CDC42BPA: variants seen among roughly 807,000 people sequenced by gnomAD.
The protein encoded by CDC42BPA is serine/threonine-protein kinase MRCK alpha.
CDC42BPA carries 80 observed loss-of-function variants against 223.5 expected under a neutral mutation model. The ratio of observed to expected loss-of-function variants is 0.36; its 90% CI spans 0.30 to 0.43. CDC42BPA has a LOEUF of 0.43. CDC42BPA is among the 20% of genes least tolerant of loss of function. CDC42BPA has a pLI of 1.00. For synonymous variants in CDC42BPA, 694 were observed against 718.6 expected, an observed-to-expected ratio of 0.97 and a Z score of 0.55; for missense variants, 1,743 against 2,099.9, an observed-to-expected ratio of 0.83 and a Z score of 3.32.
intron 24 of CDC42BPA, among the ~76,000 whole-genome samples, chr1:227,036,722 G>A (rs12403195): frequency 0.15 from 23,486 of 152,128 alleles, 2,201 homozygotes; most frequent in African/African-American, 0.25. Context: ...GAGCCACCGC[G>A]CCCGGCCTTC....
chr1:227,136,136 G>A (rs1658524543), intron 10 of CDC42BPA, among the ~76,000 whole-genome samples: 1 of 151,930 alleles, frequency 6.6e-6, no homozygotes, highest in South Asian at 2.1e-4. Context: ...ATATTAAAAT[G>A]TTAAAGAAAA....
intron 3 of CDC42BPA, among the ~76,000 whole-genome samples, chr1:227,202,333 C>G (rs1237452517): frequency 6.6e-6 from 1 of 152,100 alleles, no homozygotes; most frequent in Non-Finnish European, 1.5e-5. Context: ...TACTTACTAC[C>G]AAGTCCTGTT....
At chr1:227,275,837 C>T (rs12759688) in intron 1 of CDC42BPA, among the ~76,000 whole-genome samples, 4 of 152,240 alleles carry the variant, frequency 2.6e-5, no homozygotes, top group African/African-American at 4.8e-5. Context: ...CTCCTAACCG[C>T]GAGTGATCTG....
chr1:227,212,606 T>C lies in CDC42BPA; in HGVS notation c.354+530A>G, dbSNP rs893831691. Among the ~76,000 whole-genome samples the C allele has an allele frequency of 2.6e-5, 4 of 152,094 alleles. No homozygotes were observed. The East Asian group carries it at 5.8e-4, about 22-fold the overall frequency. On this transcript the variant is annotated intron_variant, in intron 3 of 36. Transcript: ENST00000366766. ...TACCAGCTGCTGGATATTTTTAACA[T>C]CACTCCAGTCAATCCTTCCCTCAAA... is the stretch of plus-strand genomic sequence containing the variant.
At chr1:227,120,129 G>A (rs1182299884) in intron 11 of CDC42BPA, among the ~76,000 whole-genome samples, 192 bp from the exon 12 acceptor site, 1 of 151,476 alleles carries the variant, frequency 6.6e-6, no homozygotes, top group East Asian at 1.9e-4. Flanking sequence ...AATGGTGTAT[G>A]CCAGTGTGAA....
intron 18 of CDC42BPA, 43 bp downstream of exon 18, chr1:227,074,216 T>C (rs1473752885): frequency 6.8e-7 from 1 of 1,473,174 alleles, no homozygotes; most frequent in African/African-American, 1.4e-5. Context: ...AAATCTCTTT[T>C]TTCTAATATG....
intron 1 of CDC42BPA, among the ~76,000 whole-genome samples, chr1:227,307,338 T>A (rs1441009655): frequency 6.6e-6 from 1 of 152,174 alleles, no homozygotes; most frequent in Admixed American, 6.5e-5. Flanking sequence ...GAAATTGATA[T>A]AAATTGTGAC....
chr1:227,259,342 C>G (rs1340551932), intron 1 of CDC42BPA, among the ~76,000 whole-genome samples: 2 of 150,970 alleles, frequency 1.3e-5, no homozygotes, highest in Non-Finnish European at 2.9e-5. Context: ...AGTGTTGAGG[C>G]AAACATCCTA....
chr1:227,268,580 A>G (rs1264339557), intron 1 of CDC42BPA, among the ~76,000 whole-genome samples: 1 of 147,942 alleles, frequency 6.8e-6, no homozygotes, highest in African/African-American at 2.5e-5. Flanking sequence ...TATAGTGTAT[A>G]TATATATGTG....
intron 10 of CDC42BPA, among the ~76,000 whole-genome samples, chr1:227,129,911 C>A (rs978742959): frequency 2.0e-5 from 3 of 151,994 alleles, no homozygotes; most frequent in African/African-American, 7.3e-5. Flanking sequence ...TGTTAATATA[C>A]ATATGCAGAA....
chr1:226,995,103 G>A (rs775702410), intron 35 of CDC42BPA, 123 bp from the exon 36 acceptor site: 58 of 797,722 alleles, frequency 7.3e-5, no homozygotes, highest in African/African-American at 1.2e-4. Context: ...CCCCTGAAGC[G>A]CAGTAAGTCC....
chr1:227,313,559 T>G (rs1486748574), intron 1 of CDC42BPA, among the ~76,000 whole-genome samples: 1 of 152,162 alleles, frequency 6.6e-6, no homozygotes, highest in African/African-American at 2.4e-5. Flanking sequence ...CCAATATTGC[T>G]GATTATTCTA....
intron 11 of CDC42BPA, among the ~76,000 whole-genome samples, chr1:227,121,962 G>A (rs898438195): frequency 9.2e-5 from 14 of 151,734 alleles, no homozygotes; most frequent in Admixed American, 5.3e-4. Context: ...CACCACGTCT[G>A]GCTAATTCTT....
At chr1:227,159,290 C>T (rs921287697) in intron 6 of CDC42BPA, among the ~76,000 whole-genome samples, 1 of 152,052 alleles carries the variant, frequency 6.6e-6, no homozygotes, top group Non-Finnish European at 1.5e-5. Flanking sequence ...AGTTTGAGAC[C>T]AGCCTGACCA....
At chr1:227,116,572 G>T (rs1687807806) in intron 12 of CDC42BPA, among the ~76,000 whole-genome samples, 1 of 152,052 alleles carries the variant, frequency 6.6e-6, no homozygotes, top group Admixed American at 6.5e-5. Flanking sequence ...AGTAAAACAA[G>T]AAAAGAAATG....
chr1:227,207,617 T>C (rs1673030217), intron 3 of CDC42BPA, among the ~76,000 whole-genome samples: 2 of 150,796 alleles, frequency 1.3e-5, no homozygotes, highest in Non-Finnish European at 3.0e-5. Context: ...TATGCGGTGT[T>C]TGGTTTTTTG....
At chr1:227,149,723 T>C (rs920399574) in intron 6 of CDC42BPA, among the ~76,000 whole-genome samples, 1 of 152,056 alleles carries the variant, frequency 6.6e-6, no homozygotes, top group African/African-American at 2.4e-5. Flanking sequence ...GCTGAAGAAA[T>C]TACTAGCATC....
chr1:227,205,624 C>G (rs1335601478), intron 3 of CDC42BPA, among the ~76,000 whole-genome samples: 1 of 147,310 alleles, frequency 6.8e-6, no homozygotes, highest in African/African-American at 2.7e-5. Flanking sequence ...ACAAGGATAA[C>G]AACAATAGAA....
chr1:227,091,872 A>T lies in CDC42BPA; in HGVS notation c.2355+14T>A, dbSNP rs753476488. On this transcript the variant is annotated intron_variant, in intron 16 of 36. Transcript: ENST00000366766. Reference sequence around the variant, plus strand: ...GCATGTACTACTCAATTAATATGAGATTAAATCACTCACCTTATCAAGTTC... The same window carrying T: ...GCATGTACTACTCAATTAATATGAGTTTAAATCACTCACCTTATCAAGTTC... 9.8e-6 allele frequency: 14 copies of T among 1,429,078 alleles called. No individual in the cohort carries two copies. In the Admixed American group the frequency reaches 1.6e-4, roughly 17 times the overall value. The allele number at this position is 1,429,078 out of a possible 1,614,324, so 88.5% of individuals were successfully genotyped here. A position where few individuals can be genotyped will look rare whatever the true frequency, so the allele number is the denominator to read the frequency against.
Sources: allele counts gnomAD v4.1 joint callset (sites outside exome capture counted in the v4.1 genomes callset), GRCh38; gene constraint gnomAD v4.1.1; transcripts MANE v1.5; gene names NCBI Gene and HGNC (gene_info 2026-07-23, HGNC 2026-07-21).